Variants in RBM23 observed in about 807,000 individuals in gnomAD.
RBM23 encodes RNA binding motif protein 23, also known as probable RNA-binding protein 23.
A neutral mutation model predicts 56.2 loss-of-function variants in RBM23; 53 were observed. That is an observed-to-expected ratio of 0.94 (90% CI 0.76 to 1.19). The LOEUF is 1.19. Among genes scored for constraint, RBM23 ranks in the 50% most tolerant of loss-of-function variants. The pLI is 0.00. For synonymous variants in RBM23, 197 were observed against 198.5 expected (o/e 0.99, Z 0.06); for missense variants, 642 against 590.3 (o/e 1.09, Z -0.91).
chr14:22,906,312 C>A lies in RBM23; in HGVS notation c.284G>T (p.Gly95Val), dbSNP rs1371342947. ...RRRNSRSRSP[G>V]RQCRHRSRSW... ...ACGGCTACGGTGACGACACTGCCGA[C>A]CTGGACTTCGGCTCCGACTATTTCT... is the stretch of plus-strand genomic sequence containing the variant. Residue 95 changes from glycine (G) to valine (V), a missense_variant, in exon 5 of 14, where the codon GGT (glycine) becomes GTT (valine). By Grantham distance (109) the Gly-to-Val change is moderately radical. Coordinates refer to ENST00000359890, the MANE Select transcript of RBM23 (RefSeq NM_001077351.2). The A allele has an allele frequency of 6.2e-7, 1 of 1,614,226 alleles. No homozygotes were observed. The highest frequency in any genetic ancestry group is 2.2e-5 in the East Asian group (1 of 44,890).
rs2040210113 is a variant in RBM23 at position 22,894,161 on chromosome 14, C to T, written c.*7569G>A. ...ATGCCTTTTGCAACCTATGTCCTGG[C>T]CCTTTATTTAGGCATCAAAGCAGCT... On this transcript the variant is annotated 3_prime_UTR_variant, in exon 14 of 14. Coordinates refer to ENST00000359890, the MANE Select transcript of RBM23 (RefSeq NM_001077351.2). 1.3e-5 allele frequency: 2 copies of T among 152,158 alleles called. No individual in the cohort carries two copies. The highest frequency in any genetic ancestry group is 2.4e-5 in the African/African-American group (1 of 41,426). The allele number at this position is 152,158 out of a possible 1,614,324, so 9.4% of individuals were successfully genotyped here.
intron 1 of RBM23, among the ~76,000 whole-genome samples, chr14:22,916,406 A>G (rs2043504714): frequency 6.6e-6 from 1 of 150,746 alleles, no homozygotes; most frequent in African/African-American, 2.4e-5. Flanking sequence ...ACAGGTGTGC[A>G]CTATGATGCC....
chr14:22,914,569 C>T (rs2043163022), intron 1 of RBM23, among the ~76,000 whole-genome samples: 1 of 151,918 alleles, frequency 6.6e-6, no homozygotes, highest in African/African-American at 2.4e-5. Context: ...AAAGTGTACA[C>T]TTTAATGTAT....
At chr14:22,907,125 C>T (rs1324481837) in intron 4 of RBM23, among the ~76,000 whole-genome samples, 2 of 149,634 alleles carry the variant, frequency 1.3e-5, no homozygotes, top group Non-Finnish European at 3.0e-5. Context: ...AGTGAGCCGA[C>T]GTCGCGCCAC....
chr14:22,908,192 T>A (rs1476558823), intron 4 of RBM23, 141 bp downstream of exon 4: 6 of 895,722 alleles, frequency 6.7e-6, no homozygotes, highest in African/African-American at 3.4e-5. Flanking sequence ...GGGTAATTTT[T>A]AAATTTTTTG....
In RBM23 at chr14:22,901,969, T is replaced by G. The variant is rs753012659; in HGVS notation, c.1246+11A>C. The stretch of plus-strand genomic sequence containing the variant: ...CCAAACCTTCCCTTCCTTTCCCATG[T>G]CCAAGACTACCAGTCAGAGCTGCTG... On this transcript the variant is annotated intron_variant, in intron 12 of 13. Coordinates refer to ENST00000359890, the MANE Select transcript of RBM23 (RefSeq NM_001077351.2). 6.2e-7 allele frequency: 1 copy of G among 1,611,130 alleles called. No homozygotes were observed. The highest frequency in any genetic ancestry group is 8.5e-7 in the Non-Finnish European group (1 of 1,177,798).
At chr14:22,918,668 G>A (rs572561738) in intron 1 of RBM23, among the ~76,000 whole-genome samples, 5 of 152,098 alleles carry the variant, frequency 3.3e-5, no homozygotes, top group Admixed American at 6.5e-5. Context: ...CTCAGGCCGC[G>A]GAGGGTCGAT....
chr14:22,905,650 A>T lies in RBM23; in HGVS notation c.411T>A (p.Tyr137Ter). ...RSPPLATGYR[Y>*]GHSKSPHFRE... ...TGAAATGAGGACTCTTACTGTGTCC[A>T]TACCTATAACTAAAGAATAGAGAAA... The change falls in exon 6 of 14, where the codon TAT (tyrosine) becomes TAA (stop). Residue 137 changes from tyrosine (Y) to a stop codon, truncating the protein, a stop_gained. Coordinates refer to ENST00000359890, the MANE Select transcript of RBM23 (RefSeq NM_001077351.2). LOFTEE classifies it high-confidence loss of function. 1 of 1,607,016 alleles carries T rather than the reference A, an allele frequency of 6.2e-7. No homozygotes were observed.
At chr14:22,902,642 G>A (rs993903354) in intron 10 of RBM23, 15 of 1,165,306 alleles carry the variant, frequency 1.3e-5, no homozygotes, top group Non-Finnish European at 1.6e-5. Context: ...TTTTATTATT[G>A]TAGGAAACCT....
Position 22,902,050 on chromosome 14 carries a change from G to A in RBM23, c.1176C>T (p.Ala392=), listed in dbSNP as rs532072644. 309 of 1,612,308 alleles carry A rather than the reference G, an allele frequency of 1.9e-4. No individual in the cohort carries two copies. The highest frequency in any genetic ancestry group is 2.3e-4 in the Non-Finnish European group (269 of 1,178,838). ...PSTAAAAAAA[A]AQAAALQLNG... ...TCAGTTGCAAGGCAGCAGCCTGGGC[G>A]GCGGCGGCAGCAGCAGCAGCAGCAG... The change falls in exon 12 of 14, where the codon GCC becomes GCT. Residue 392 remains alanine, a synonymous_variant. Coordinates refer to ENST00000359890, the MANE Select transcript of RBM23 (RefSeq NM_001077351.2).
intron 1 of RBM23, among the ~76,000 whole-genome samples, chr14:22,912,650 C>A (rs1006127769): frequency 6.6e-6 from 1 of 152,086 alleles, no homozygotes; most frequent in Non-Finnish European, 1.5e-5. Context: ...CAGCCCCCCC[C>A]ACAAAAAGTA....
rs1203315017 is a variant in RBM23, at chr14:22,908,389, G to T, written c.180-9C>A. The T allele has an allele frequency of 2.6e-6, 4 of 1,546,214 alleles. No individual in the cohort carries two copies. Among genetic ancestry groups the T allele is most frequent in the South Asian group, 1.2e-5 (1 of 83,938 alleles). ...TCCGACTCCTCTTCTTCCTGTGAAA[G>T]AGAGTACATTCTTCTTTTTTTTTTT... On this transcript the variant is annotated splice_polypyrimidine_tract_variant and intron_variant, in intron 3 of 13. Transcript: ENST00000359890.
intron 9 of RBM23, 29 bp downstream of exon 9, chr14:22,904,846 C>T (rs1407683746): frequency 6.2e-7 from 1 of 1,613,460 alleles, no homozygotes. Context: ...TTCCAATTCC[C>T]TTCAGAGGTT....
At position 22,905,793 on chromosome 14, in the gene RBM23, G is replaced by C. The variant is rs1231898144; in HGVS notation, c.402-134C>G. ...AAGACAGGGTTTCCGCTGTCACCCA[G>C]GCTGGAGTGCAGTGGCGCCATCTCG... On this transcript the variant is annotated intron_variant, in intron 5 of 13. Transcript: ENST00000359890. 6 of 727,958 alleles carry C rather than the reference G, an allele frequency of 8.2e-6. No homozygotes were observed. In the African/African-American group the frequency reaches 1.1e-4, roughly 13 times the overall value. 45.1% of individuals were successfully genotyped at this position (727,958 alleles called of 1,614,324 possible).
In RBM23 at chr14:22,905,626, G is replaced by A; in HGVS notation, c.435C>T (p.Phe145=). ...CCCACCTGACTGGGCTCTTCTCTCT[G>A]AAATGAGGACTCTTACTGTGTCCAT... The part of the protein sequence containing the change: ...YRYGHSKSPH[F]REKSPVREPV... Residue 145 remains phenylalanine, a synonymous_variant, in exon 6 of 14, where the codon TTC becomes TTT. Coordinates refer to ENST00000359890, the MANE Select transcript of RBM23 (RefSeq NM_001077351.2). The A allele has an allele frequency of 6.2e-7, 1 of 1,610,276 alleles. No homozygotes were observed. Among genetic ancestry groups the A allele is most frequent in the Non-Finnish European group, 8.5e-7 (1 of 1,176,392 alleles).
Position 22,893,893 on chromosome 14 carries a change from C to G in RBM23, c.*7837G>C, listed in dbSNP as rs1446348551. ...CCACAGCTTAGTGGCCTTGAAAACTCCAGATGTGAATGCAAATTCAGTAAG... is the reference window on the plus strand; with the variant it reads ...CCACAGCTTAGTGGCCTTGAAAACTGCAGATGTGAATGCAAATTCAGTAAG... On this transcript the variant is annotated 3_prime_UTR_variant, in exon 14 of 14. Transcript: ENST00000359890. The G allele has an allele frequency of 6.6e-6, 1 of 152,060 alleles. No individual in the cohort carries two copies. The highest frequency in any genetic ancestry group is 1.5e-5 in the Non-Finnish European group (1 of 68,012). The allele number at this position is 152,060 out of a possible 1,614,324, so 9.4% of individuals were successfully genotyped here.
At chr14:22,904,146 G>C (rs772578578) in intron 10 of RBM23, 115 bp downstream of exon 10, 54 of 1,582,912 alleles carry the variant, frequency 3.4e-5, no homozygotes, top group Middle Eastern at 1.7e-4. Context: ...TCAGGCACCA[G>C]GGTTTATGGG....
In RBM23 at chr14:22,900,594, G is replaced by C. The variant is rs2040366507; in HGVS notation, c.*1136C>G. ...AGATACAGAATGGGAACCCCACCCA[G>C]GTGTGAGTTTTCATTTTTCTTTCTA... On this transcript the variant is annotated 3_prime_UTR_variant, in exon 14 of 14. Coordinates refer to ENST00000359890, the MANE Select transcript of RBM23 (RefSeq NM_001077351.2). 1.3e-5 allele frequency: 2 copies of C among 152,048 alleles called. No homozygotes were observed. The highest frequency in any genetic ancestry group is 4.8e-5 in the African/African-American group (2 of 41,374). 9.4% of individuals were successfully genotyped at this position (152,048 alleles called of 1,614,324 possible).
At chr14:22,902,706 A>G (rs1203526319) in intron 10 of RBM23, 10 of 1,046,212 alleles carry the variant, frequency 9.6e-6, no homozygotes, top group African/African-American at 1.7e-5. Context: ...CAAGCTAAGA[A>G]CAAGGCTCCT....
Sources: allele counts gnomAD v4.1 joint callset (sites outside exome capture counted in the v4.1 genomes callset), GRCh38; gene constraint gnomAD v4.1.1; transcripts MANE v1.5; gene names NCBI Gene and HGNC (gene_info 2026-07-23, HGNC 2026-07-21).